Variants in EPHB1 observed in about 807,000 individuals in gnomAD.
The protein encoded by EPHB1 is EPH receptor B1, also known as ephrin type-B receptor 1.
EPHB1 carries 30 observed loss-of-function variants against 94.4 expected under a neutral mutation model. The ratio of observed to expected loss-of-function variants is 0.32; its 90% confidence interval spans 0.24 to 0.43. The LOEUF (loss-of-function observed/expected upper bound fraction) is 0.43, where lower values mean the gene tolerates loss of function less well. Among genes scored for constraint, EPHB1 ranks in the 20% least tolerant of loss-of-function variants. EPHB1 has a pLI of 1.00. For synonymous variants in EPHB1, 522 were observed against 489.1 expected (o/e 1.07, Z -0.89); for missense variants, 1,055 against 1,308.3 (o/e 0.81, Z 2.99).
intron 3 of EPHB1, among the ~76,000 whole-genome samples, chr3:135,074,315 A>G (rs1937832886): frequency 6.6e-6 from 1 of 152,206 alleles, no homozygotes; most frequent in South Asian, 2.1e-4. Context: ...ATTTCAATCA[A>G]TGGATATTTG....
rs1261037534 is a variant in EPHB1 at position 135,260,055 on chromosome 3, A to T, written c.*935A>T. 1 of 233,224 alleles carries T rather than the reference A, an allele frequency of 4.3e-6. No homozygotes were observed. The highest frequency in any genetic ancestry group is 5.6e-5 in the Admixed American group (1 of 17,786). The allele number at this position is 233,224 out of a possible 1,614,324, so 14.4% of individuals were successfully genotyped here. Reference sequence around the variant, plus strand: ...GAAAAATAAAATGAAAGGAAAAAAAAAAGTTTGCAAATTCAGACAGGAAAC... The same window carrying T: ...GAAAAATAAAATGAAAGGAAAAAAATAAGTTTGCAAATTCAGACAGGAAAC... On this transcript the variant is annotated 3_prime_UTR_variant, in exon 16 of 16. Coordinates refer to ENST00000398015, the MANE Select transcript of EPHB1 (RefSeq NM_004441.5).
chr3:134,882,775 T>TTCC (rs2037773366), intron 1 of EPHB1, among the ~76,000 whole-genome samples: 1 of 33,412 alleles, frequency 3.0e-5, no homozygotes, highest in Admixed American at 4.0e-4. Flanking sequence ...CCTTTCTTTC[T>TTCC]TTCTTTCTTT....
At chr3:135,053,201 C>T (rs992609085) in intron 3 of EPHB1, among the ~76,000 whole-genome samples, 1 of 150,278 alleles carries the variant, frequency 6.7e-6, no homozygotes, top group African/African-American at 2.5e-5. Context: ...AAAAAAGTCT[C>T]AACACGTAGA....
At chr3:135,049,165 T>A (rs1937095109) in intron 3 of EPHB1, among the ~76,000 whole-genome samples, 1 of 152,220 alleles carries the variant, frequency 6.6e-6, no homozygotes, top group South Asian at 2.1e-4. Flanking sequence ...CCATTGAGAT[T>A]TTTTGCTGTC....
At chr3:134,938,961 G>C (rs965180853) in intron 2 of EPHB1, among the ~76,000 whole-genome samples, 3 of 152,250 alleles carry the variant, frequency 2.0e-5, no homozygotes, top group African/African-American at 2.4e-5. Flanking sequence ...GGCAAGGTTA[G>C]AGCAGTGCTG....
chr3:135,163,323 G>A (rs1301982524), intron 7 of EPHB1, among the ~76,000 whole-genome samples: 1 of 152,218 alleles, frequency 6.6e-6, no homozygotes, highest in African/African-American at 2.4e-5. Context: ...CCTTAAAGCT[G>A]AGAGGCAGCT....
chr3:135,029,862 A>T (rs1413722708), intron 3 of EPHB1, among the ~76,000 whole-genome samples: 2 of 151,996 alleles, frequency 1.3e-5, no homozygotes, highest in Non-Finnish European at 2.9e-5. Flanking sequence ...CAGGTATACC[A>T]ATCAGAGGTA....
intron 1 of EPHB1, among the ~76,000 whole-genome samples, chr3:134,828,661 C>T (rs1371246003): frequency 6.6e-6 from 1 of 152,138 alleles, no homozygotes; most frequent in Non-Finnish European, 1.5e-5. Flanking sequence ...CCGGGAGTGA[C>T]TGGCAAGGAT....
intron 2 of EPHB1, among the ~76,000 whole-genome samples, chr3:134,939,772 G>A (rs2039079299): frequency 6.6e-6 from 1 of 152,150 alleles, no homozygotes. Flanking sequence ...TGCTGCCCAG[G>A]CTCCAGTGGG....
chr3:135,184,023 G>A (rs1189681518), intron 10 of EPHB1, among the ~76,000 whole-genome samples: 1 of 152,178 alleles, frequency 6.6e-6, no homozygotes, highest in Non-Finnish European at 1.5e-5. Flanking sequence ...ATGAGGTTTT[G>A]TTTAGATGTT....
intron 3 of EPHB1, among the ~76,000 whole-genome samples, chr3:134,991,476 T>G (rs1934796433): frequency 6.6e-6 from 1 of 152,322 alleles, no homozygotes; most frequent in Admixed American, 6.5e-5. Flanking sequence ...ATCTGCAGTT[T>G]ATGTTTCCAT....
intron 3 of EPHB1, among the ~76,000 whole-genome samples, chr3:135,046,855 A>C (rs1000096760): frequency 6.6e-6 from 1 of 152,248 alleles, no homozygotes; most frequent in African/African-American, 2.4e-5. Flanking sequence ...GCTTAGTGAC[A>C]ATGCCTGAAC....
chr3:134,848,041 T>G (rs565150525), intron 1 of EPHB1, among the ~76,000 whole-genome samples: 1 of 152,362 alleles, frequency 6.6e-6, no homozygotes, highest in Non-Finnish European at 1.5e-5. Context: ...TATTTTCTGA[T>G]GCCTCAGTTT....
intron 1 of EPHB1, among the ~76,000 whole-genome samples, chr3:134,922,524 A>G (rs1302788859): frequency 1.3e-5 from 2 of 152,214 alleles, no homozygotes; most frequent in Non-Finnish European, 2.9e-5. Context: ...ATCATGACTA[A>G]TATGAAGTCT....
At chr3:134,828,285 A>C (rs574216067) in intron 1 of EPHB1, among the ~76,000 whole-genome samples, 37 of 152,230 alleles carry the variant, frequency 2.4e-4, no homozygotes, top group Non-Finnish European at 5.0e-4. Flanking sequence ...GAGTAGGAAC[A>C]AAAAAAGATC....
rs115690138 is a variant in EPHB1 at position 135,198,777 on chromosome 3, A to G, written c.2131-2697A>G. Among the ~76,000 whole-genome samples, 562 of 152,268 alleles carry G rather than the reference A, an allele frequency of 3.7e-3. 2 individuals carry two copies. The highest frequency in any genetic ancestry group is 0.013 in the African/African-American group (535 of 41,540). ...AAGGCACTGAGCTAGGGCCTTTCAT[A>G]TGTGTTATCTCATTTAGTCTCACCA... On this transcript the variant is annotated intron_variant, in intron 11 of 15. Coordinates refer to ENST00000398015, the MANE Select transcript of EPHB1 (RefSeq NM_004441.5).
chr3:135,152,936 C>G (rs900853882), intron 5 of EPHB1, among the ~76,000 whole-genome samples: 1 of 152,166 alleles, frequency 6.6e-6, no homozygotes, highest in Non-Finnish European at 1.5e-5. Context: ...CTTCAAGGTC[C>G]CAGAGGACAC....
intron 1 of EPHB1, among the ~76,000 whole-genome samples, chr3:134,806,674 G>A (rs868218183): frequency 3.9e-5 from 6 of 152,156 alleles, no homozygotes; most frequent in Admixed American, 3.9e-4. Context: ...GGGACTTAGG[G>A]GAAGGGTGGG....
chr3:134,982,817 T>TA (rs11300820), intron 3 of EPHB1, among the ~76,000 whole-genome samples: 2,553 of 149,786 alleles, frequency 0.017, 69 homozygotes, highest in African/African-American at 0.053. Flanking sequence ...ATTTTCAGAT[T>TA]AAAAAAAAAA....
Sources: gnomAD v4.1 joint callset for allele counts (sites outside exome capture counted in the v4.1 genomes callset) on GRCh38, gnomAD v4.1.1 for gene constraint, MANE v1.5 for transcripts, NCBI Gene and HGNC (gene_info 2026-07-23, HGNC 2026-07-21) for gene names.